CCSAP: variants seen among roughly 807,000 people sequenced by gnomAD.
The protein encoded by CCSAP is centriole, cilia and spindle-associated protein.
CCSAP carries 17 observed loss-of-function variants against 25.9 expected under a neutral mutation model. The ratio of observed to expected loss-of-function variants is 0.66; its 90% CI spans 0.45 to 0.99. The LOEUF is 0.99. CCSAP is among the 50% of genes least tolerant of loss of function. The pLI, the probability that CCSAP is intolerant of heterozygous loss-of-function variation, is 0.00. For synonymous variants in CCSAP, 169 were observed against 157.1 expected (o/e 1.08, Z -0.57); for missense variants, 339 against 367.8 (o/e 0.92, Z 0.64).
intron 2 of CCSAP, among the ~76,000 whole-genome samples, chr1:229,333,170 C>G (rs547525251): frequency 1.7e-4 from 26 of 152,182 alleles, no homozygotes; most frequent in Admixed American, 4.6e-4. Flanking sequence ...CGGTGGCTCA[C>G]GCCTATAATC....
intron 2 of CCSAP, among the ~76,000 whole-genome samples, chr1:229,332,228 C>T (rs1477148706): frequency 2.0e-5 from 3 of 152,148 alleles, no homozygotes; most frequent in Non-Finnish European, 4.4e-5. Context: ...CAAACCTAAA[C>T]GGGGATAATG....
chr1:229,328,560 G>A (rs1465112158), intron 2 of CCSAP, among the ~76,000 whole-genome samples: 4 of 152,140 alleles, frequency 2.6e-5, no homozygotes, highest in African/African-American at 9.7e-5. Context: ...TCCTGCCTCG[G>A]CCTCCCAAAG....
intron 2 of CCSAP, among the ~76,000 whole-genome samples, chr1:229,330,085 G>C (rs1156442157): frequency 6.9e-6 from 1 of 144,638 alleles, no homozygotes; most frequent in Non-Finnish European, 1.5e-5. Flanking sequence ...AGACAACAAG[G>C]ACCCTCCAGA....
chr1:229,330,665 A>G (rs899320487), intron 2 of CCSAP, among the ~76,000 whole-genome samples: 1 of 151,818 alleles, frequency 6.6e-6, no homozygotes. Flanking sequence ...ACACGGTGAA[A>G]CCTCGTCTCT....
At chr1:229,335,163 T>C (rs758786666) in intron 2 of CCSAP, among the ~76,000 whole-genome samples, 1 of 151,614 alleles carries the variant, frequency 6.6e-6, no homozygotes, top group Non-Finnish European at 1.5e-5. Context: ...AAATTAAAAA[T>C]AAAAAAATAG....
At chr1:229,337,279 TA>T (rs949615557) in intron 2 of CCSAP, among the ~76,000 whole-genome samples, 4 of 146,828 alleles carry the variant, frequency 2.7e-5, no homozygotes, top group East Asian at 3.9e-4. Flanking sequence ...AAAACAAACA[TA>T]GGGGGGTCAC....
At chr1:229,333,160 C>A (rs191098591) in intron 2 of CCSAP, among the ~76,000 whole-genome samples, 1 of 152,158 alleles carries the variant, frequency 6.6e-6, no homozygotes, top group East Asian at 1.9e-4. Flanking sequence ...AGGCCGGGCG[C>A]GGTGGCTCAC....
chr1:229,323,670 C>T lies in CCSAP; in HGVS notation c.*1565G>A, dbSNP rs1273417848. The T allele has an allele frequency of 6.6e-6, 1 of 152,208 alleles. No homozygotes were observed. Among genetic ancestry groups the T allele is most frequent in the African/African-American group, 2.4e-5 (1 of 41,468 alleles). The allele number at this position is 152,208 out of a possible 1,614,324, so 9.4% of individuals were successfully genotyped here. A position where few individuals can be genotyped will look rare whatever the true frequency, so the allele number is the denominator to read the frequency against. On this transcript the variant is annotated 3_prime_UTR_variant, in exon 4 of 4. Coordinates refer to ENST00000284617, the MANE Select transcript of CCSAP (RefSeq NM_145257.5). ...TGATTAGGAGAGATCTGTAAGGAAACAAATTCACCTCAAAACTATGCAAAT... is the reference window on the plus strand; with the variant it reads ...TGATTAGGAGAGATCTGTAAGGAAATAAATTCACCTCAAAACTATGCAAAT...
At chr1:229,336,349 C>G (rs1350133983) in intron 2 of CCSAP, among the ~76,000 whole-genome samples, 4 of 151,592 alleles carry the variant, frequency 2.6e-5, no homozygotes, top group Non-Finnish European at 4.4e-5. Context: ...TTCAGATGAC[C>G]CTAGGGACAG....
intron 2 of CCSAP, among the ~76,000 whole-genome samples, chr1:229,339,454 C>T (rs1398576602): frequency 1.3e-5 from 2 of 152,176 alleles, no homozygotes; most frequent in Admixed American, 6.5e-5. Context: ...TATCTCTTGG[C>T]ATTCAAAGAA....
At chr1:229,335,905 G>T (rs1176423279) in intron 2 of CCSAP, among the ~76,000 whole-genome samples, 3 of 151,686 alleles carry the variant, frequency 2.0e-5, no homozygotes, top group African/African-American at 7.3e-5. Context: ...ACTCAACCAT[G>T]AATTGAAAAT....
At chr1:229,337,217 C>T (rs982434863) in intron 2 of CCSAP, among the ~76,000 whole-genome samples, 7 of 151,934 alleles carry the variant, frequency 4.6e-5, no homozygotes, top group African/African-American at 7.3e-5. Context: ...AATTTCAGAA[C>T]ACCTCCTAAA....
intron 3 of CCSAP, 74 bp from the exon 4 acceptor site, chr1:229,325,485 A>G (rs995588369): frequency 7.0e-7 from 1 of 1,423,474 alleles, no homozygotes; most frequent in Non-Finnish European, 9.6e-7. Context: ...GTTGCAATGA[A>G]GCTGGCTACT....
rs1056671068 is a variant in CCSAP, at chr1:229,323,562, A to T, written c.*1673T>A. 4 of 152,376 alleles carry T rather than the reference A, an allele frequency of 2.6e-5. No individual in the cohort carries two copies. The highest frequency in any genetic ancestry group is 9.6e-5 in the African/African-American group (4 of 41,594). 9.4% of individuals were successfully genotyped at this position (152,376 alleles called of 1,614,324 possible). A position where few individuals can be genotyped will look rare whatever the true frequency, so the allele number is the denominator to read the frequency against. Reference sequence around the variant, plus strand: ...TGTGTCGTTTAAAGACTTTAATAATAGTTAATACCAAAATTCACCAGTTAC... The same window carrying T: ...TGTGTCGTTTAAAGACTTTAATAATTGTTAATACCAAAATTCACCAGTTAC... On this transcript the variant is annotated 3_prime_UTR_variant, in exon 4 of 4. Transcript: ENST00000284617.
chr1:229,338,840 G>A (rs1658262865), intron 2 of CCSAP, among the ~76,000 whole-genome samples: 1 of 151,892 alleles, frequency 6.6e-6, no homozygotes, highest in Non-Finnish European at 1.5e-5. Context: ...AAATAAAAAG[G>A]GACGGAAAGG....
intron 2 of CCSAP, among the ~76,000 whole-genome samples, chr1:229,338,549 A>G (rs1035823215): frequency 6.6e-6 from 1 of 151,434 alleles, no homozygotes; most frequent in Admixed American, 6.6e-5. Flanking sequence ...ACACACACAC[A>G]CACACACACA....
At chr1:229,328,428 G>A (rs1657996793) in intron 2 of CCSAP, among the ~76,000 whole-genome samples, 1 of 152,092 alleles carries the variant, frequency 6.6e-6, no homozygotes, top group African/African-American at 2.4e-5. Context: ...AGCCTCCTAG[G>A]GAGGTGGGAC....
At chr1:229,339,482 T>TC (rs1341660691) in intron 2 of CCSAP, among the ~76,000 whole-genome samples, 19 of 152,016 alleles carry the variant, frequency 1.2e-4, no homozygotes, top group Admixed American at 1.2e-3. Context: ...CTCTGAACCA[T>TC]CCTTTCTTGG....
rs1330906834 is a variant in CCSAP at position 229,321,066 on chromosome 1, A to G, written c.*4169T>C. ...TTTCCAAGTAAATACAATATTAACT[A>G]TAAGCTAAAAACAATACATAGTTCT... On this transcript the variant is annotated 3_prime_UTR_variant, in exon 4 of 4. Coordinates refer to ENST00000284617, the MANE Select transcript of CCSAP (RefSeq NM_145257.5). 1 of 152,258 alleles carries G rather than the reference A, an allele frequency of 6.6e-6. No individual in the cohort carries two copies. Among genetic ancestry groups the G allele is most frequent in the Non-Finnish European group, 1.5e-5 (1 of 68,046 alleles). The allele number at this position is 152,258 out of a possible 1,614,324, so 9.4% of individuals were successfully genotyped here.
Sources: allele counts gnomAD v4.1 joint callset (sites outside exome capture counted in the v4.1 genomes callset), GRCh38; gene constraint gnomAD v4.1.1; transcripts MANE v1.5; gene names NCBI Gene and HGNC (gene_info 2026-07-23, HGNC 2026-07-21).